SUGP1: variants seen among roughly 807,000 people sequenced by gnomAD.
SUGP1 encodes SURP and G-patch domain-containing protein 1.
Under a neutral mutation model 76.5 loss-of-function variants are expected in SUGP1, and 34 were observed. That is an observed-to-expected ratio of 0.44 (90% CI 0.34 to 0.59). The LOEUF is 0.59. Among genes scored for constraint, SUGP1 ranks in the 20% least tolerant of loss-of-function variants. SUGP1 has a pLI of 0.01. For missense variants in SUGP1, 752 were observed against 851.7 expected, an observed-to-expected ratio of 0.88 and a Z score of 1.46; for synonymous variants, 326 against 326.2, an observed-to-expected ratio of 1.00 and a Z score of 0.01.
chr19:19,306,258 C>T (rs2061317286), intron 3 of SUGP1, among the ~76,000 whole-genome samples, 182 bp from the exon 4 acceptor site: 1 of 152,104 alleles, frequency 6.6e-6, no homozygotes, highest in South Asian at 2.1e-4. Context: ...CAAAAGGACT[C>T]GTTGTGGTCC....
At chr19:19,290,288 T>G (rs1474453793) in intron 8 of SUGP1, among the ~76,000 whole-genome samples, 2 of 152,188 alleles carry the variant, frequency 1.3e-5, no homozygotes, top group African/African-American at 4.8e-5. Context: ...TACATAAATC[T>G]ATACAAGGAG....
intron 2 of SUGP1, among the ~76,000 whole-genome samples, chr19:19,311,850 T>C (rs955114244): frequency 2.6e-5 from 4 of 151,192 alleles, no homozygotes; most frequent in African/African-American, 9.7e-5. Flanking sequence ...TGGTGGCTCA[T>C]CCCTGTAATC....
intron 4 of SUGP1, among the ~76,000 whole-genome samples, chr19:19,304,516 T>C (rs750820657): frequency 6.6e-6 from 1 of 152,212 alleles, no homozygotes; most frequent in Non-Finnish European, 1.5e-5. Flanking sequence ...GGATGCTCAA[T>C]GCCACAGGCT....
At chr19:19,287,683 C>T (rs540551044) in intron 8 of SUGP1, among the ~76,000 whole-genome samples, 9 of 152,086 alleles carry the variant, frequency 5.9e-5, no homozygotes, top group South Asian at 2.1e-4. Flanking sequence ...AGGAAGAAGC[C>T]GGAGAAGCGG....
intron 7 of SUGP1, 40 bp from the exon 8 acceptor site, chr19:19,297,384 C>T (rs754283572): frequency 8.1e-6 from 12 of 1,472,968 alleles, no homozygotes; most frequent in East Asian, 2.3e-5. Context: ...CAGCTGGGCC[C>T]GAGGCCCTGT....
At position 19,276,625 on chromosome 19, in the gene SUGP1, G is replaced by T. The variant is rs1045003; in HGVS notation, c.*23C>A. On this transcript the variant is annotated 3_prime_UTR_variant, in exon 14 of 14. Transcript: ENST00000247001. Reference sequence around the variant, plus strand: ...CAGTCCAGGGACGGTTGGTCATTCAGAAAGTATGTATTTCCAGAACACTCA... The same window carrying T: ...CAGTCCAGGGACGGTTGGTCATTCATAAAGTATGTATTTCCAGAACACTCA... 2 of 1,614,102 alleles carry T rather than the reference G, an allele frequency of 1.2e-6. No homozygotes were observed. The highest frequency in any genetic ancestry group is 8.5e-7 in the Non-Finnish European group (1 of 1,179,988).
At position 19,317,198 on chromosome 19, in the gene SUGP1, G is replaced by A. The variant is rs562873457; in HGVS notation, c.35-605C>T. Among the ~76,000 whole-genome samples the A allele has an allele frequency of 4.6e-5, 7 of 152,062 alleles. No individual in the cohort carries two copies. The East Asian group carries it at 1.2e-3, about 25-fold the overall frequency. ...GAGCTCTGCTGAAAACCAAAAAAGG[G>A]TGAAAAAGTAACAGGAGAGTACATA... On this transcript the variant is annotated intron_variant, in intron 1 of 13. Coordinates refer to ENST00000247001, the MANE Select transcript of SUGP1 (RefSeq NM_172231.4).
At chr19:19,307,678 AGACTTAGT>A (rs2061327117) in intron 3 of SUGP1, among the ~76,000 whole-genome samples, 2 of 149,732 alleles carry the variant, frequency 1.3e-5, no homozygotes, top group African/African-American at 2.5e-5. Flanking sequence ...TTTCTTTTTG[AGACTTAGT>A]CTCGCTCTGT....
At chr19:19,277,151 T>C in intron 12 of SUGP1, 75 bp from the exon 13 acceptor site, 2 of 1,454,502 alleles carry the variant, frequency 1.4e-6, no homozygotes, top group Non-Finnish European at 1.8e-6. Context: ...AGCTGGGCTC[T>C]CAACAGCACC....
rs2061343872 is a variant in SUGP1 at position 19,310,186 on chromosome 19, T to C, written c.221A>G (p.His74Arg). ...CTTGTTGGAAATGCAGGAAGAGTTG[T>C]GTGCATTTGTGATTCTAGAACCAAG... is the stretch of plus-strand genomic sequence containing the variant. ...PPHPGEITNA[H>R]NSSCISNKFA... The change falls in exon 3 of 14, where the codon CAC (histidine) becomes CGC (arginine). Residue 74 changes from histidine (H) to arginine (R), a missense_variant. His to Arg is a conservative substitution (Grantham distance 29). Around this residue, in one of 2 missense-constraint regions of SUGP1, gnomAD observed 620 missense variants for 617.3 expected, o/e 1.00. Coordinates refer to ENST00000247001, the MANE Select transcript of SUGP1 (RefSeq NM_172231.4). 1 of 1,613,358 alleles carries C rather than the reference T, an allele frequency of 6.2e-7. No homozygotes were observed. Among genetic ancestry groups the C allele is most frequent in the South Asian group, 1.1e-5 (1 of 91,070 alleles).
At chr19:19,294,811 G>C (rs996472535) in intron 8 of SUGP1, among the ~76,000 whole-genome samples, 1 of 151,212 alleles carries the variant, frequency 6.6e-6, no homozygotes, top group African/African-American at 2.4e-5. Context: ...AAAAAAAACT[G>C]ATACTTTCTG....
intron 7 of SUGP1, 194 bp downstream of exon 7, chr19:19,302,071 C>A: frequency 1.3e-6 from 1 of 791,498 alleles, no homozygotes; most frequent in East Asian, 2.7e-5. Context: ...AGAGACTACC[C>A]AGGGGTGCTG....
At chr19:19,314,332 AAATT>A (rs1017313067) in intron 2 of SUGP1, among the ~76,000 whole-genome samples, 7 of 151,566 alleles carry the variant, frequency 4.6e-5, no homozygotes, top group East Asian at 1.9e-4. Flanking sequence ...AAAAATAAAT[AAATT>A]AATTAATTAA....
chr19:19,309,453 T>C (rs1020616877), intron 3 of SUGP1, among the ~76,000 whole-genome samples: 2 of 152,126 alleles, frequency 1.3e-5, no homozygotes, highest in African/African-American at 4.8e-5. Context: ...TACTGCATTC[T>C]AGCCTGAGCA....
chr19:19,312,209 A>G (rs1005325166), intron 2 of SUGP1, among the ~76,000 whole-genome samples: 1 of 152,226 alleles, frequency 6.6e-6, no homozygotes, highest in Non-Finnish European at 1.5e-5. Context: ...CCTGGGTGAC[A>G]GAGTAAGATC....
intron 2 of SUGP1, among the ~76,000 whole-genome samples, chr19:19,311,054 ATT>A (rs35467129): frequency 0.014 from 1,914 of 137,806 alleles, 33 homozygotes; most frequent in Non-Finnish European, 0.016. Context: ...TAATTTTTTA[ATT>A]TTTTTTTTTT....
intron 3 of SUGP1, among the ~76,000 whole-genome samples, chr19:19,309,811 C>T (rs967193826): frequency 6.6e-6 from 1 of 152,194 alleles, no homozygotes; most frequent in Non-Finnish European, 1.5e-5. Context: ...ACTCAGGAGG[C>T]TGAGGCAGGA....
chr19:19,286,759 T>G (rs2061143161), intron 8 of SUGP1, among the ~76,000 whole-genome samples: 1 of 151,916 alleles, frequency 6.6e-6, no homozygotes, highest in Non-Finnish European at 1.5e-5. Context: ...AAAAAATAGG[T>G]CTGGCCAGGC....
intron 2 of SUGP1, among the ~76,000 whole-genome samples, chr19:19,312,811 C>A (rs959934536): frequency 1.3e-5 from 2 of 151,604 alleles, no homozygotes; most frequent in African/African-American, 4.8e-5. Flanking sequence ...AACAGTGAAA[C>A]CCCGTCTCTA....
Sources: gnomAD v4.1 joint callset for allele counts (sites outside exome capture counted in the v4.1 genomes callset) on GRCh38, gnomAD v4.1.1 for gene constraint, gnomAD v4.1.1 regional missense constraint, MANE v1.5 for transcripts, NCBI Gene and HGNC (gene_info 2026-07-23, HGNC 2026-07-21) for gene names.